Variants in PRICKLE1 observed in about 807,000 individuals in gnomAD.
PRICKLE1 encodes the protein prickle planar cell polarity protein 1, also known as prickle-like protein 1.
In PRICKLE1, 14 loss-of-function variants were observed where a neutral mutation model predicts 70.2. That is an observed-to-expected ratio of 0.20 (90% CI 0.13 to 0.31). PRICKLE1 has a LOEUF of 0.31. Ranked by LOEUF, PRICKLE1 falls within the 10% of genes least tolerant of loss-of-function variation. The pLI is 1.00. For synonymous variants in PRICKLE1, 357 were observed against 379.9 expected, an observed-to-expected ratio of 0.94 and a Z score of 0.70; for missense variants, 821 against 1,026.2, an observed-to-expected ratio of 0.80 and a Z score of 2.73.
chr12:42,493,282 A>G (rs574035571), intron 1 of PRICKLE1, among the ~76,000 whole-genome samples: 4 of 152,322 alleles, frequency 2.6e-5, no homozygotes, highest in African/African-American at 9.6e-5. Context: ...ATTCTCCATG[A>G]TATGATTACT....
chr12:42,570,546 C>T (rs1940690745), intron 1 of PRICKLE1, among the ~76,000 whole-genome samples: 1 of 152,180 alleles, frequency 6.6e-6, no homozygotes, highest in East Asian at 1.9e-4. Context: ...GGGCTGGGCA[C>T]AGTGGGCTCA....
intron 1 of PRICKLE1, among the ~76,000 whole-genome samples, chr12:42,547,814 C>T (rs1248182501): frequency 2.0e-5 from 3 of 152,184 alleles, no homozygotes; most frequent in African/African-American, 7.2e-5. Flanking sequence ...ATTCATAGTA[C>T]AGGTTAAGTA....
At position 42,550,252 on chromosome 12, in the gene PRICKLE1, G is replaced by A. The variant is rs116643006; in HGVS notation, c.-49+39213C>T. On this transcript the variant is annotated intron_variant, in intron 1 of 7. Transcript: ENST00000345127. ...GGAGGCCAAGGTGGGAGAATCGCTT[G>A]AGTCCAGGAGGTCGAGGCTGCAGTG... The A allele has an allele frequency of 2.9e-3, 450 of 152,602 alleles. 1 individual carries two copies. The highest frequency in any genetic ancestry group is 0.011 in the African/African-American group (442 of 41,572). The allele number at this position is 152,602 out of a possible 1,614,324, so 9.5% of individuals were successfully genotyped here.
intron 1 of PRICKLE1, among the ~76,000 whole-genome samples, chr12:42,547,548 A>G (rs532024507): frequency 6.6e-6 from 1 of 152,286 alleles, no homozygotes; most frequent in South Asian, 2.1e-4. Context: ...TATCTTCTCT[A>G]AGGCCCAGTT....
At chr12:42,478,564 A>G (rs989283247) in intron 1 of PRICKLE1, among the ~76,000 whole-genome samples, 7 of 152,146 alleles carry the variant, frequency 4.6e-5, no homozygotes, top group African/African-American at 1.7e-4. Flanking sequence ...TTAGAACTTA[A>G]TTCTCTAGCA....
chr12:42,486,109 C>T (rs552460836), intron 1 of PRICKLE1, among the ~76,000 whole-genome samples: 1 of 152,302 alleles, frequency 6.6e-6, no homozygotes, highest in South Asian at 2.1e-4. Context: ...AGAAAGGAAG[C>T]CCAAAAATTC....
In PRICKLE1 at chr12:42,477,402, T is replaced by TAC. The variant is rs202113148; in HGVS notation, c.-48-4840_-48-4839dup. Among the ~76,000 whole-genome samples, 46 of 148,500 alleles carry TAC rather than the reference T, an allele frequency of 3.1e-4. 1 individual carries two copies. The highest frequency in any genetic ancestry group is 6.4e-4 in the South Asian group (3 of 4,690). The stretch of plus-strand genomic sequence containing the variant: ...CAAAACAAAACAAAATATATATATA[T>TAC]ACACATATTATATATATGTATATAC... On this transcript the variant is annotated intron_variant, in intron 1 of 7. Transcript: ENST00000345127.
At position 42,520,215 on chromosome 12, in the gene PRICKLE1, T is replaced by C. The variant is rs114085221; in HGVS notation, c.-48-47651A>G. On this transcript the variant is annotated intron_variant, in intron 1 of 7. Transcript: ENST00000345127. ...CTGTGGTGGATGTGGGATAGTTATA[T>C]GTAATCTCCACTGGAGAACAGGTGA... 2.7e-3 allele frequency among the ~76,000 whole-genome samples: 409 copies of C among 152,346 alleles called. 1 individual carries two copies. Among genetic ancestry groups the C allele is most frequent in the African/African-American group, 9.4e-3 (390 of 41,578 alleles).
At chr12:42,469,263 C>A (rs1938221571) in intron 4 of PRICKLE1, among the ~76,000 whole-genome samples, 187 bp downstream of exon 4, 1 of 152,204 alleles carries the variant, frequency 6.6e-6, no homozygotes, top group African/African-American at 2.4e-5. Context: ...TGCTGTCATA[C>A]ACAGCAGTGT....
chr12:42,564,522 C>T (rs867749608), intron 1 of PRICKLE1, among the ~76,000 whole-genome samples: 9 of 151,956 alleles, frequency 5.9e-5, no homozygotes, highest in African/African-American at 1.9e-4. Flanking sequence ...GCAGGAGAAT[C>T]GCTTGAACCC....
chr12:42,549,189 C>G (rs1357965349), intron 1 of PRICKLE1, among the ~76,000 whole-genome samples: 1 of 145,654 alleles, frequency 6.9e-6, no homozygotes, highest in Non-Finnish European at 1.5e-5. Context: ...AGGAAAAAAA[C>G]CATTAGGGGC....
At chr12:42,466,055 A>G (rs1235534416) in intron 6 of PRICKLE1, 139 bp downstream of exon 6, 1 of 912,300 alleles carries the variant, frequency 1.1e-6, no homozygotes, top group Non-Finnish European at 1.7e-6. Flanking sequence ...CATCAGCTGG[A>G]ACATTTAAGA....
intron 6 of PRICKLE1, 36 bp from the exon 7 acceptor site, chr12:42,465,294 G>A (rs745595820): frequency 6.2e-7 from 1 of 1,608,890 alleles, no homozygotes; most frequent in South Asian, 1.1e-5. Flanking sequence ...AACAGGTTAT[G>A]GTTTAATGCC....
chr12:42,570,590 C>G (rs927587582), intron 1 of PRICKLE1, among the ~76,000 whole-genome samples: 1 of 152,156 alleles, frequency 6.6e-6, no homozygotes, highest in African/African-American at 2.4e-5. Flanking sequence ...GAGGCCGAAG[C>G]GGGTGGATCA....
At chr12:42,466,950 C>T (rs2406872) in intron 5 of PRICKLE1, among the ~76,000 whole-genome samples, 49,102 of 151,912 alleles carry the variant, frequency 0.32, 8,416 homozygotes, top group Non-Finnish European at 0.38. Context: ...AATCATAGCT[C>T]ACTGCAGCCT....
chr12:42,582,109 C>T (rs180917074), intron 1 of PRICKLE1, among the ~76,000 whole-genome samples: 24 of 152,282 alleles, frequency 1.6e-4, no homozygotes, highest in African/African-American at 4.8e-4. Flanking sequence ...CTTGAGGACA[C>T]GTTTTTGGCT....
At chr12:42,542,535 C>T (rs981021927) in intron 1 of PRICKLE1, among the ~76,000 whole-genome samples, 1 of 152,004 alleles carries the variant, frequency 6.6e-6, no homozygotes, top group Non-Finnish European at 1.5e-5. Flanking sequence ...CCTATAATCC[C>T]AGCTACTTGG....
chr12:42,510,270 A>G (rs559886043), intron 1 of PRICKLE1, among the ~76,000 whole-genome samples: 8 of 151,634 alleles, frequency 5.3e-5, no homozygotes, highest in Non-Finnish European at 1.0e-4. Context: ...AATTTTTTGT[A>G]TTTTTAGTAG....
chr12:42,504,997 G>A (rs556080699), intron 1 of PRICKLE1, among the ~76,000 whole-genome samples: 5 of 152,104 alleles, frequency 3.3e-5, no homozygotes, highest in East Asian at 3.9e-4. Context: ...AAAATTAGCC[G>A]AGCGTGGTGG....
Sources: gnomAD v4.1 joint callset for allele counts (sites outside exome capture counted in the v4.1 genomes callset) on GRCh38, gnomAD v4.1.1 for gene constraint, MANE v1.5 for transcripts, NCBI Gene and HGNC (gene_info 2026-07-23, HGNC 2026-07-21) for gene names.